Variants in SCN9A observed in about 807,000 individuals in gnomAD.
SCN9A encodes the protein sodium channel protein type 9 subunit alpha.
A neutral mutation model predicts 187.0 loss-of-function variants in SCN9A; 131 were observed. The observed-to-expected ratio is 0.70, with a 90% CI of 0.61 to 0.81. The LOEUF is 0.81. Among genes scored for constraint, SCN9A ranks in the 30% least tolerant of loss-of-function variants. SCN9A has a pLI of 0.00. For synonymous variants in SCN9A, 809 were observed against 808.6 expected (o/e 1.00, Z -0.01); for missense variants, 2,252 against 2,396.6 (o/e 0.94, Z 1.26).
intron 24 of SCN9A, among the ~76,000 whole-genome samples, chr2:166,225,024 C>G (rs1419315513): frequency 6.6e-6 from 1 of 152,102 alleles, no homozygotes; most frequent in East Asian, 1.9e-4. Context: ...TTCTTCCCTA[C>G]TCAACATATA....
chr2:166,214,582 T>G (rs1694247225), intron 24 of SCN9A, among the ~76,000 whole-genome samples: 2 of 125,676 alleles, frequency 1.6e-5, no homozygotes, highest in Admixed American at 1.8e-4. Context: ...TGGCGCAATC[T>G]CGGCTCACTG....
chr2:166,256,225 T>TA (rs1696268271), intron 17 of SCN9A, among the ~76,000 whole-genome samples: 1 of 151,580 alleles, frequency 6.6e-6, no homozygotes, highest in African/African-American at 2.4e-5. Flanking sequence ...ATAGAGTTTT[T>TA]AAAATTGGAG....
intron 1 of SCN9A, among the ~76,000 whole-genome samples, chr2:166,345,176 G>C (rs112835924): frequency 4.6e-5 from 7 of 152,170 alleles, no homozygotes; most frequent in South Asian, 2.1e-4. Context: ...CTGAATGAAT[G>C]AATCAATCAA....
intron 17 of SCN9A, among the ~76,000 whole-genome samples, chr2:166,269,326 C>G (rs991204426): frequency 2.0e-5 from 3 of 151,940 alleles, no homozygotes; most frequent in Non-Finnish European, 4.4e-5. Flanking sequence ...GATAGCTAAC[C>G]ATTATGACAA....
chr2:166,341,862 A>G (rs1282077740), intron 1 of SCN9A, among the ~76,000 whole-genome samples: 4 of 152,230 alleles, frequency 2.6e-5, no homozygotes, highest in Non-Finnish European at 4.4e-5. Context: ...CATTTCATCA[A>G]TAACATTAAT....
rs71031236 is a variant in SCN9A, at chr2:166,297,196, C to CAAAAAAAAAAAAAAAAAAAAAAAAAA, written c.902-2560_902-2535dup. ...TAGGCGACAGAGTGAGACTCCATCT[C>CAAAAAAAAAAAAAAAAAAAAAAAAAA]AAAAAAAAAAAAAAAAAAAAAAAAA... On this transcript the variant is annotated intron_variant, in intron 7 of 26. Coordinates refer to ENST00000642356, the MANE Select transcript of SCN9A (RefSeq NM_001365536.1). 3.0e-4 allele frequency among the ~76,000 whole-genome samples: 10 copies of CAAAAAAAAAAAAAAAAAAAAAAAAAA among 32,902 alleles called. 1 individual carries two copies. Among genetic ancestry groups the CAAAAAAAAAAAAAAAAAAAAAAAAAA allele is most frequent in the African/African-American group, 5.9e-4 (6 of 10,162 alleles). 21.6% of individuals were successfully genotyped at this position (32,902 alleles called of 152,430 possible). A position where few individuals can be genotyped will look rare whatever the true frequency, so the allele number is the denominator to read the frequency against.
chr2:166,295,348 A>G (rs527764371), intron 7 of SCN9A, among the ~76,000 whole-genome samples: 1 of 152,316 alleles, frequency 6.6e-6, no homozygotes, highest in East Asian at 1.9e-4. Flanking sequence ...TCACTTAATG[A>G]CTGTGATACA....
At chr2:166,225,073 C>T (rs562885182) in intron 24 of SCN9A, among the ~76,000 whole-genome samples, 28 of 152,250 alleles carry the variant, frequency 1.8e-4, no homozygotes, top group African/African-American at 4.3e-4. Context: ...AGGTCTAATA[C>T]GGCTTTTTAT....
At chr2:166,275,506 C>T (rs540837090) in intron 16 of SCN9A, among the ~76,000 whole-genome samples, 1 of 151,776 alleles carries the variant, frequency 6.6e-6, no homozygotes, top group African/African-American at 2.4e-5. Context: ...ATTGCTTGAA[C>T]CTGGGAGGTG....
rs1178411759 is a variant in SCN9A at position 166,197,290 on chromosome 2, A to C, written c.*1382T>G. 2 of 152,140 alleles carry C rather than the reference A, an allele frequency of 1.3e-5. No homozygotes were observed. The highest frequency in any genetic ancestry group is 3.8e-4 in the East Asian group (2 of 5,200). 9.4% of individuals were successfully genotyped at this position (152,140 alleles called of 1,614,324 possible). A position where few individuals can be genotyped will look rare whatever the true frequency, so the allele number is the denominator to read the frequency against. On this transcript the variant is annotated 3_prime_UTR_variant, in exon 27 of 27. Transcript: ENST00000642356. ...CAAATTACTATTAATAGGTGTTTTC[A>C]AAAAACTAGATGTCTACAGCTAATG...
intron 1 of SCN9A, among the ~76,000 whole-genome samples, chr2:166,315,106 A>G (rs1699076557): frequency 6.6e-6 from 1 of 152,228 alleles, no homozygotes; most frequent in Non-Finnish European, 1.5e-5. Flanking sequence ...AGCAGTTGCC[A>G]CTTGTGCTTT....
At chr2:166,246,715 T>G (rs1198181313) in intron 18 of SCN9A, among the ~76,000 whole-genome samples, 2 of 152,152 alleles carry the variant, frequency 1.3e-5, no homozygotes, top group African/African-American at 4.8e-5. Context: ...GATTTTGCTC[T>G]CTGGGATTTA....
chr2:166,242,227 T>C (rs1695596773), intron 19 of SCN9A, among the ~76,000 whole-genome samples: 1 of 151,956 alleles, frequency 6.6e-6, no homozygotes, highest in South Asian at 2.1e-4. Flanking sequence ...ACTCTCTCCC[T>C]GTTTTGCAAA....
chr2:166,220,190 C>T (rs1694521437), intron 24 of SCN9A, among the ~76,000 whole-genome samples: 1 of 152,060 alleles, frequency 6.6e-6, no homozygotes, highest in Non-Finnish European at 1.5e-5. Context: ...AGAAGAGATT[C>T]AGAAGAAGCA....
At chr2:166,227,228 C>T (rs1049876312) in intron 23 of SCN9A, among the ~76,000 whole-genome samples, 26 of 152,142 alleles carry the variant, frequency 1.7e-4, no homozygotes, top group African/African-American at 3.1e-4. Context: ...AAAAGCTATA[C>T]ATTAAAATTA....
chr2:166,276,872 A>T (rs1454034620), intron 16 of SCN9A, 111 bp downstream of exon 16: 1 of 832,656 alleles, frequency 1.2e-6, no homozygotes, highest in Non-Finnish European at 1.7e-6. Context: ...ATTCTTTTGC[A>T]ATTAATAATT....
At chr2:166,363,608 A>AGACTAAAAACCAGATCTCTGGG (rs1163545608) in intron 1 of SCN9A, among the ~76,000 whole-genome samples, 1 of 148,712 alleles carries the variant, frequency 6.7e-6, no homozygotes, top group African/African-American at 2.4e-5. Flanking sequence ...AGGCACATTC[A>AGACTAAAAACCAGATCTCTGGG]GACTAAAAAC....
chr2:166,270,762 G>GATATAT (rs60551465), intron 17 of SCN9A, among the ~76,000 whole-genome samples: 11,771 of 143,460 alleles, frequency 0.082, 549 homozygotes, highest in Middle Eastern at 0.19. Flanking sequence ...GCATTTTACT[G>GATATAT]ATATATATAT....
chr2:166,293,027 C>T (rs1331828432), intron 9 of SCN9A, among the ~76,000 whole-genome samples: 4 of 151,714 alleles, frequency 2.6e-5, no homozygotes, highest in Non-Finnish European at 5.9e-5. Flanking sequence ...TTAAATATGC[C>T]CAGAAAAGAT....
Sources: allele counts gnomAD v4.1 joint callset (sites outside exome capture counted in the v4.1 genomes callset), GRCh38; gene constraint gnomAD v4.1.1; transcripts MANE v1.5; gene names NCBI Gene and HGNC (gene_info 2026-07-23, HGNC 2026-07-21).